Variants in UMOD observed in about 807,000 individuals in gnomAD.
The protein encoded by UMOD is Tamm-Horsfall urinary glycoprotein.
In UMOD, 64 loss-of-function variants were observed where a neutral mutation model predicts 66.0. The ratio of observed to expected loss-of-function variants is 0.97; its 90% CI spans 0.79 to 1.19. The LOEUF (loss-of-function observed/expected upper bound fraction) is 1.19. UMOD is among the 50% of genes most tolerant of loss of function. The probability of loss-of-function intolerance (pLI) is 0.00; values close to 1 mark genes in which losing one functional copy is unlikely to be tolerated. For missense variants in UMOD, 764 were observed against 850.9 expected, an observed-to-expected ratio of 0.90 and a Z score of 1.27; for synonymous variants, 398 against 352.7, an observed-to-expected ratio of 1.13 and a Z score of -1.44.
Position 20,349,025 on chromosome 16 carries a change from G to T in UMOD, c.276C>A (p.Cys92Ter). 1 of 1,591,970 alleles carries T rather than the reference G, an allele frequency of 6.3e-7. No individual in the cohort carries two copies. Among genetic ancestry groups the T allele is most frequent in the South Asian group, 1.1e-5 (1 of 88,028 alleles). Residue 92 changes from cysteine (C) to a stop codon, truncating the protein, a stop_gained, in exon 3 of 11, where the codon TGC becomes TGA. Transcript: ENST00000396138. LOFTEE classifies it high-confidence loss of function. ...SCVNTPGSFSCVCPEGFRLSP... is the reference protein window; with the variant it reads ...SCVNTPGSFS ...ACAGGCGGAAGCCTTCGGGGCAGAC[G>T]CAGGAGAAGGAGCCTGGCGTGTTTA...
intron 7 of UMOD, among the ~76,000 whole-genome samples, chr16:20,337,669 A>G (rs1411744756): frequency 2.0e-5 from 3 of 152,316 alleles, no homozygotes; most frequent in Non-Finnish European, 4.4e-5. Flanking sequence ...AATTTCTCAA[A>G]GTGCGTAGAA....
rs755992416 is a variant in UMOD at position 20,350,725 on chromosome 16, A to T, written c.13T>A (p.Ser5Thr). Reference sequence around the variant, plus strand: ...ACCACCATCAGCATCCAAGTCAGAGATGGCTGCCCCATCCTTTCTGCTCTT... The same window carrying T: ...ACCACCATCAGCATCCAAGTCAGAGTTGGCTGCCCCATCCTTTCTGCTCTT... MGQP[S>T]LTWMLMVVVA... is the part of the protein sequence containing the mutation. The change falls in exon 2 of 11, where the codon TCT becomes ACT. Residue 5 changes from serine to threonine, a missense_variant. Transcript: ENST00000396138. The T allele has an allele frequency of 1.2e-6, 2 of 1,614,188 alleles. No individual in the cohort carries two copies. Among genetic ancestry groups the T allele is most frequent in the Non-Finnish European group, 1.7e-6 (2 of 1,180,020 alleles).
intron 7 of UMOD, among the ~76,000 whole-genome samples, chr16:20,337,912 G>A (rs1168624525): frequency 3.3e-5 from 5 of 152,096 alleles, no homozygotes; most frequent in Admixed American, 6.6e-5. Flanking sequence ...CCATCTGCAC[G>A]TATACACAAT....
intron 9 of UMOD, 54 bp from the exon 10 acceptor site, chr16:20,335,574 G>C (rs1964825624): frequency 6.4e-7 from 1 of 1,572,268 alleles, no homozygotes; most frequent in African/African-American, 1.3e-5. Context: ...GATTTGGCAA[G>C]CATCCTGACA....
intron 5 of UMOD, 35 bp from the exon 6 acceptor site, chr16:20,344,207 G>GC: frequency 4.4e-6 from 6 of 1,360,786 alleles, no homozygotes; most frequent in Admixed American, 1.7e-5. Context: ...GGGGGGTGGG[G>GC]ATGAGAGAAA....
upstream of UMOD, chr16:20,352,783 T>A (rs1965957352): frequency 8.3e-7 from 1 of 1,202,370 alleles, no homozygotes. Context: ...CTCCAATTAG[T>A]CTCTAGTTCT....
intron 1 of UMOD, among the ~76,000 whole-genome samples, chr16:20,352,378 A>G (rs1035517775): frequency 2.0e-5 from 3 of 152,208 alleles, no homozygotes; most frequent in Admixed American, 6.5e-5. Flanking sequence ...ATTAACTAAG[A>G]TGACATATGT....
intron 7 of UMOD, among the ~76,000 whole-genome samples, chr16:20,340,472 G>GTGTATATATA: frequency 8.9e-6 from 1 of 112,536 alleles, no homozygotes; most frequent in South Asian, 2.5e-4. Flanking sequence ...GTGTGTGTGT[G>GTGTATATATA]TATATATATA....
At chr16:20,354,367 A>T (rs565862956), upstream of UMOD, among the ~76,000 whole-genome samples, 8 of 152,176 alleles carry the variant, frequency 5.3e-5, no homozygotes, top group Non-Finnish European at 8.8e-5. Flanking sequence ...CACCCCAGAG[A>T]ATTATTATAA....
At chr16:20,334,380 G>C (rs1487436191) in intron 10 of UMOD, among the ~76,000 whole-genome samples, 2 of 152,098 alleles carry the variant, frequency 1.3e-5, no homozygotes, top group Non-Finnish European at 2.9e-5. Context: ...TACAGATCTG[G>C]GGTATGTTCA....
chr16:20,352,015 C>G (rs866606956), intron 1 of UMOD, among the ~76,000 whole-genome samples: 3 of 141,138 alleles, frequency 2.1e-5, no homozygotes, highest in East Asian at 4.0e-4. Context: ...GTCCATCCCC[C>G]CCCCCCAAAA....
At chr16:20,349,559 C>T in intron 2 of UMOD, 2 of 1,058,720 alleles carry the variant, frequency 1.9e-6, no homozygotes, top group Non-Finnish European at 2.6e-6. Context: ...CACCACCGCA[C>T]CCTGCCTCAG....
In UMOD at chr16:20,341,195, C is replaced by A; in HGVS notation, c.1473G>T (p.Leu491Phe). ...CAAATCGGGACAGGTCGCCCCCATCCAACATGGTGCCCACGTAGAGAAAAG... is the reference window on the plus strand; with the variant it reads ...CAAATCGGGACAGGTCGCCCCCATCAAACATGGTGCCCACGTAGAGAAAAG... ...TEAFLYVGTM[L>F]DGGDLSRFAL... Residue 491 changes from leucine to phenylalanine, a missense_variant, in exon 7 of 11, where the codon TTG becomes TTT. Leu to Phe is a conservative substitution (Grantham distance 22, BLOSUM62 0). Coordinates refer to ENST00000396138, the MANE Select transcript of UMOD (RefSeq NM_003361.4). The A allele has an allele frequency of 6.2e-7, 1 of 1,614,016 alleles. No individual in the cohort carries two copies. The highest frequency in any genetic ancestry group is 8.5e-7 in the Non-Finnish European group (1 of 1,180,010).
At chr16:20,355,118 G>T (rs973837333), upstream of UMOD, among the ~76,000 whole-genome samples, 1 of 151,964 alleles carries the variant, frequency 6.6e-6, no homozygotes, top group African/African-American at 2.4e-5. Flanking sequence ...CTTCCTGACC[G>T]ACCCTGGTAC....
intron 2 of UMOD, 111 bp from the exon 3 acceptor site, chr16:20,349,323 G>A (rs1965774655): frequency 1.5e-5 from 19 of 1,226,336 alleles, no homozygotes; most frequent in Non-Finnish European, 1.8e-5. Context: ...TTATTCCCTA[G>A]AGGGCTCCCT....
At chr16:20,347,960 G>C (rs1002211702) in intron 4 of UMOD, among the ~76,000 whole-genome samples, 3 of 152,176 alleles carry the variant, frequency 2.0e-5, no homozygotes, top group African/African-American at 4.8e-5. Flanking sequence ...CCACTGTGGT[G>C]TGGGCCTCAG....
upstream of UMOD, among the ~76,000 whole-genome samples, chr16:20,355,845 A>C (rs1478613703): frequency 6.6e-6 from 1 of 152,166 alleles, no homozygotes; most frequent in Non-Finnish European, 1.5e-5. Flanking sequence ...AATGAAACAC[A>C]ACAACCCACG....
chr16:20,354,219 T>C (rs1038306628), upstream of UMOD, among the ~76,000 whole-genome samples: 3 of 152,208 alleles, frequency 2.0e-5, no homozygotes, highest in Non-Finnish European at 4.4e-5. Flanking sequence ...AGGACATTTC[T>C]CCATCCTGTC....
upstream of UMOD, among the ~76,000 whole-genome samples, chr16:20,354,315 G>A (rs532906675): frequency 6.6e-6 from 1 of 152,240 alleles, no homozygotes; most frequent in East Asian, 1.9e-4. Flanking sequence ...GGGTCAAAGA[G>A]GTAGCACAGC....
Sources: gnomAD v4.1 joint callset for allele counts (sites outside exome capture counted in the v4.1 genomes callset) on GRCh38, gnomAD v4.1.1 for gene constraint, MANE v1.5 for transcripts, NCBI Gene and HGNC (gene_info 2026-07-23, HGNC 2026-07-21) for gene names.